ADAMTSL3: variants seen among roughly 807,000 people sequenced by gnomAD.
The protein encoded by ADAMTSL3 is ADAMTS-like protein 3.
Under a neutral mutation model 201.7 loss-of-function variants are expected in ADAMTSL3, and 128 were observed. The ratio of observed to expected loss-of-function variants is 0.63; its 90% CI spans 0.55 to 0.73. ADAMTSL3 has a LOEUF of 0.73. Among genes scored for constraint, ADAMTSL3 ranks in the 30% least tolerant of loss-of-function variants. ADAMTSL3 has a pLI of 0.00. For synonymous variants in ADAMTSL3, 738 were observed against 748.4 expected, an observed-to-expected ratio of 0.99 and a Z score of 0.23; for missense variants, 1,990 against 2,119.6, an observed-to-expected ratio of 0.94 and a Z score of 1.20.
intron 5 of ADAMTSL3, among the ~76,000 whole-genome samples, chr15:83,806,314 G>A (rs2063601961): frequency 6.6e-6 from 1 of 152,112 alleles, no homozygotes; most frequent in African/African-American, 2.4e-5. Flanking sequence ...CTCTGGCAAA[G>A]GTGCACCACT....
chr15:83,963,914 G>A (rs1227661720), intron 19 of ADAMTSL3, among the ~76,000 whole-genome samples: 2 of 152,216 alleles, frequency 1.3e-5, no homozygotes, highest in African/African-American at 2.4e-5. Context: ...TGCAGCAGAG[G>A]AGCCTGACTA....
chr15:84,017,300 G>T (rs1284640865), intron 25 of ADAMTSL3, among the ~76,000 whole-genome samples: 1 of 152,088 alleles, frequency 6.6e-6, no homozygotes, highest in Non-Finnish European at 1.5e-5. Context: ...TGTATTTTTA[G>T]TGGAGACGAG....
At chr15:83,945,075 C>T (rs908504840) in intron 19 of ADAMTSL3, among the ~76,000 whole-genome samples, 2 of 152,182 alleles carry the variant, frequency 1.3e-5, no homozygotes, top group South Asian at 4.1e-4. Flanking sequence ...CACTGAAGGT[C>T]TACATAAACT....
intron 19 of ADAMTSL3, among the ~76,000 whole-genome samples, chr15:83,967,399 A>G (rs2067109474): frequency 6.6e-6 from 1 of 152,250 alleles, no homozygotes; most frequent in Non-Finnish European, 1.5e-5. Flanking sequence ...ACAAACAGAA[A>G]GTCAAATCAT....
chr15:83,967,913 A>T (rs181838113), intron 19 of ADAMTSL3, among the ~76,000 whole-genome samples: 5 of 152,316 alleles, frequency 3.3e-5, no homozygotes, highest in African/African-American at 4.8e-5. Flanking sequence ...GACAAACATG[A>T]CAGAAACAAG....
At chr15:83,928,156 T>A (rs1172148313) in intron 17 of ADAMTSL3, among the ~76,000 whole-genome samples, 2 of 152,038 alleles carry the variant, frequency 1.3e-5, no homozygotes, top group African/African-American at 4.8e-5. Context: ...TAAAAATTTT[T>A]AAATGTTTTT....
chr15:83,841,673 A>G (rs2064376896), intron 7 of ADAMTSL3, among the ~76,000 whole-genome samples: 1 of 151,542 alleles, frequency 6.6e-6, no homozygotes, highest in Non-Finnish European at 1.5e-5. Context: ...GGGGCAGGAA[A>G]TTGAAGGGCG....
At position 83,667,041 on chromosome 15, in the gene ADAMTSL3, A is replaced by G. The variant is rs181273175; in HGVS notation, c.69+11211A>G. Among the ~76,000 whole-genome samples the G allele has an allele frequency of 5.5e-3, 833 of 152,106 alleles. 7 individuals are homozygous for G. The highest frequency in any genetic ancestry group is 0.019 in the African/African-American group (782 of 41,542). On this transcript the variant is annotated intron_variant, in intron 2 of 29. Coordinates refer to ENST00000286744, the MANE Select transcript of ADAMTSL3 (RefSeq NM_207517.3). ...TTGTTTATGTTTTGGATATACTGCC[A>G]TTAAAAAATTTTAAGTAGTCTAGGA...
intron 24 of ADAMTSL3, among the ~76,000 whole-genome samples, chr15:84,015,877 C>G (rs2068080151): frequency 1.3e-5 from 2 of 152,226 alleles, no homozygotes; most frequent in African/African-American, 4.8e-5. Context: ...GGAATCCCCT[C>G]AAGCCAAGCA....
chr15:83,902,652 A>G lies in ADAMTSL3; in HGVS notation c.1700+2921A>G, dbSNP rs148562063. Among the ~76,000 whole-genome samples, 878 of 152,216 alleles carry G rather than the reference A, an allele frequency of 5.8e-3. 3 individuals carry two copies. The highest frequency in any genetic ancestry group is 0.02 in the African/African-American group (825 of 41,518). The stretch of plus-strand genomic sequence containing the variant: ...AGATGTATGTGGGTTCATATGCCCA[A>G]TGGGACTTGGCAGGGTATTACCTTT... On this transcript the variant is annotated intron_variant, in intron 15 of 29. Transcript: ENST00000286744.
chr15:83,852,533 A>T (rs2064639458), intron 7 of ADAMTSL3, among the ~76,000 whole-genome samples: 2 of 152,180 alleles, frequency 1.3e-5, no homozygotes, highest in African/African-American at 4.8e-5. Flanking sequence ...TTGTGCAAGC[A>T]TGTCTTTATG....
chr15:83,815,631 C>T (rs1397105764), intron 5 of ADAMTSL3, among the ~76,000 whole-genome samples: 5 of 152,148 alleles, frequency 3.3e-5, no homozygotes, highest in Non-Finnish European at 7.4e-5. Flanking sequence ...CTAGCTGAGC[C>T]AGATTAGGCA....
intron 22 of ADAMTSL3, among the ~76,000 whole-genome samples, chr15:83,989,923 G>T (rs1252516054): frequency 6.6e-6 from 1 of 152,182 alleles, no homozygotes; most frequent in African/African-American, 2.4e-5. Flanking sequence ...ACCTCATATG[G>T]TCTCATAAAG....
intron 2 of ADAMTSL3, among the ~76,000 whole-genome samples, chr15:83,701,928 G>T (rs2061784003): frequency 6.6e-6 from 1 of 152,138 alleles, no homozygotes; most frequent in Non-Finnish European, 1.5e-5. Flanking sequence ...AGTTTGGAGG[G>T]CTCAGAAGAA....
chr15:84,005,145 C>T (rs911331034), intron 23 of ADAMTSL3, among the ~76,000 whole-genome samples: 8 of 152,158 alleles, frequency 5.3e-5, no homozygotes, highest in Admixed American at 3.9e-4. Flanking sequence ...GGAATCAACA[C>T]GGCCTTGAGA....
At chr15:83,776,279 T>G (rs1365799528) in intron 4 of ADAMTSL3, among the ~76,000 whole-genome samples, 2 of 152,214 alleles carry the variant, frequency 1.3e-5, no homozygotes, top group African/African-American at 4.8e-5. Flanking sequence ...TTCCTGTAAG[T>G]CTCTGGCTCC....
chr15:83,743,748 GAGGAGATTGGATGAAGATATTTAA>G (rs2062497281), intron 3 of ADAMTSL3, among the ~76,000 whole-genome samples: 1 of 152,130 alleles, frequency 6.6e-6, no homozygotes, highest in Admixed American at 6.5e-5. Context: ...GCAGTTGTAT[GAGGAGATTGGATGAAGATATTTAA>G]AGGGCTGTAT....
chr15:83,923,564 A>T (rs1356652805), intron 16 of ADAMTSL3, among the ~76,000 whole-genome samples: 1 of 152,206 alleles, frequency 6.6e-6, no homozygotes, highest in East Asian at 1.9e-4. Context: ...TTGATGGCTT[A>T]TTTGGGGGAA....
chr15:83,699,472 C>G (rs1322093701), intron 2 of ADAMTSL3, among the ~76,000 whole-genome samples: 1 of 152,210 alleles, frequency 6.6e-6, no homozygotes, highest in East Asian at 1.9e-4. Context: ...CTGCCATCAT[C>G]CCAGTCCAAG....
Sources: gnomAD v4.1 joint callset for allele counts (sites outside exome capture counted in the v4.1 genomes callset) on GRCh38, gnomAD v4.1.1 for gene constraint, MANE v1.5 for transcripts, NCBI Gene and HGNC (gene_info 2026-07-23, HGNC 2026-07-21) for gene names.